SORBS2: variants seen among roughly 807,000 people sequenced by gnomAD.
The protein encoded by SORBS2 is sorbin and SH3 domain containing 2.
In SORBS2, 46 loss-of-function variants were observed where a neutral mutation model predicts 97.7. That is an observed-to-expected ratio of 0.47 (90% CI 0.37 to 0.60). The LOEUF (loss-of-function observed/expected upper bound fraction) is 0.60, where lower values mean the gene tolerates loss of function less well. Ranked by LOEUF, SORBS2 falls within the 20% of genes least tolerant of loss-of-function variation. The pLI, the probability that SORBS2 is intolerant of heterozygous loss-of-function variation, is 0.00. For synonymous variants in SORBS2, 476 were observed against 473.4 expected, an observed-to-expected ratio of 1.01 and a Z score of -0.07; for missense variants, 1,316 against 1,282.3, an observed-to-expected ratio of 1.03 and a Z score of -0.40.
intron 2 of SORBS2, 42 bp downstream of exon 2, chr4:185,775,185 T>A (rs923040757): frequency 6.6e-6 from 1 of 152,622 alleles, no homozygotes; most frequent in African/African-American, 2.4e-5. Flanking sequence ...GTTATGAACA[T>A]ACCAGAAAAC....
chr4:185,673,804 A>G (rs759345221), intron 4 of SORBS2, among the ~76,000 whole-genome samples: 2 of 152,206 alleles, frequency 1.3e-5, no homozygotes, highest in East Asian at 1.9e-4. Context: ...CTTCCCCACT[A>G]TGGAATCAAT....
At chr4:185,662,647 C>G (rs765923329) in intron 4 of SORBS2, among the ~76,000 whole-genome samples, 1 of 152,212 alleles carries the variant, frequency 6.6e-6, no homozygotes, top group South Asian at 2.1e-4. Context: ...CGTGGATGTC[C>G]TTTGACATGA....
At chr4:185,758,363 C>T (rs528463978) in intron 2 of SORBS2, among the ~76,000 whole-genome samples, 70 of 152,186 alleles carry the variant, frequency 4.6e-4, no homozygotes, top group Non-Finnish European at 8.4e-4. Flanking sequence ...CTTCTCTTGG[C>T]TGTCAGCACA....
intron 1 of SORBS2, among the ~76,000 whole-genome samples, chr4:185,935,090 G>A (rs2099268332): frequency 6.6e-6 from 1 of 152,156 alleles, no homozygotes; most frequent in Non-Finnish European, 1.5e-5. Flanking sequence ...CAAGGCTAAT[G>A]TAGCTCTTTC....
intron 1 of SORBS2, among the ~76,000 whole-genome samples, chr4:185,947,522 A>G (rs536571201): frequency 2.1e-4 from 32 of 152,154 alleles, no homozygotes; most frequent in Non-Finnish European, 4.3e-4. Flanking sequence ...CCAACCTTCC[A>G]ATTGCCAGCT....
intron 1 of SORBS2, among the ~76,000 whole-genome samples, chr4:185,873,055 G>A (rs1273698848): frequency 6.6e-6 from 1 of 152,126 alleles, no homozygotes; most frequent in African/African-American, 2.4e-5. Context: ...ATTAAATATT[G>A]GGTAAAAGAA....
At chr4:185,815,583 C>T (rs2099192789) in intron 1 of SORBS2, among the ~76,000 whole-genome samples, 1 of 151,920 alleles carries the variant, frequency 6.6e-6, no homozygotes, top group Non-Finnish European at 1.5e-5. Flanking sequence ...GAAGGATTTT[C>T]AAACAAATAT....
intron 1 of SORBS2, among the ~76,000 whole-genome samples, chr4:185,852,917 C>T (rs2149689110): frequency 6.6e-6 from 1 of 152,278 alleles, no homozygotes; most frequent in African/African-American, 2.4e-5. Context: ...TGTTTGACCC[C>T]TTGGTCCTGG....
At chr4:185,897,795 G>C (rs938734938) in intron 1 of SORBS2, among the ~76,000 whole-genome samples, 1 of 152,162 alleles carries the variant, frequency 6.6e-6, no homozygotes, top group African/African-American at 2.4e-5. Flanking sequence ...CCAGCACTTT[G>C]GGAGGCCGAG....
intron 1 of SORBS2, among the ~76,000 whole-genome samples, chr4:185,901,137 T>A (rs2099247522): frequency 6.6e-6 from 1 of 152,248 alleles, no homozygotes; most frequent in African/African-American, 2.4e-5. Context: ...TCGGAATACA[T>A]ATACTGTGTA....
exon 13 of SORBS2, chr4:185,593,918 A>C: frequency 6.2e-7 from 1 of 1,606,892 alleles, no homozygotes; most frequent in Non-Finnish European, 8.5e-7. Flanking sequence ...TTTCATGAGT[A>C]AACACAGGAC....
At chr4:185,800,583 T>C (rs2099125524) in intron 1 of SORBS2, among the ~76,000 whole-genome samples, 1 of 152,126 alleles carries the variant, frequency 6.6e-6, no homozygotes, top group African/African-American at 2.4e-5. Context: ...GTAGCCCTGC[T>C]TCCCTTGCAG....
At chr4:185,590,297 T>C (rs962280517) in intron 13 of SORBS2, among the ~76,000 whole-genome samples, 21 of 152,188 alleles carry the variant, frequency 1.4e-4, no homozygotes, top group African/African-American at 5.1e-4. Flanking sequence ...ATAGACAAAA[T>C]GTGTCAGACA....
chr4:185,656,106 T>C (rs2097396584), intron 1 of SORBS2, among the ~76,000 whole-genome samples: 3 of 152,168 alleles, frequency 2.0e-5, no homozygotes, highest in African/African-American at 7.2e-5. Flanking sequence ...ACCAGAAACA[T>C]GTAATCATCA....
Position 185,776,859 on chromosome 4 carries a change from C to T in SORBS2, c.-337-1493G>A, listed in dbSNP as rs530706423. ...AGGTTGCGGTGAGCTGAGATCGCAC[C>T]AGTGCACTCCAGCCTGGGCAACAGA... is the stretch of plus-strand genomic sequence containing the variant. On this transcript the variant is annotated intron_variant, in intron 1 of 20. Coordinates refer to the SORBS2 transcript ENST00000284776. Among the ~76,000 whole-genome samples, 17 of 144,428 alleles carry T rather than the reference C, an allele frequency of 1.2e-4. No homozygotes were observed. In the South Asian group the frequency reaches 3.7e-3, roughly 32 times the overall value. 94.8% of individuals were successfully genotyped at this position (144,428 alleles called of 152,430 possible).
At chr4:185,854,813 GA>G (rs1579201023) in intron 1 of SORBS2, among the ~76,000 whole-genome samples, 2 of 151,778 alleles carry the variant, frequency 1.3e-5, no homozygotes, top group Non-Finnish European at 2.9e-5. Context: ...GAGAGAGAGA[GA>G]GAGCCTTAGT....
chr4:185,797,227 C>A (rs1414679673), intron 1 of SORBS2, among the ~76,000 whole-genome samples: 1 of 152,230 alleles, frequency 6.6e-6, no homozygotes, highest in Non-Finnish European at 1.5e-5. Context: ...AGGAGAGCGA[C>A]TGACACAGAG....
chr4:185,887,316 G>A (rs2099240174), intron 1 of SORBS2, among the ~76,000 whole-genome samples: 1 of 152,206 alleles, frequency 6.6e-6, no homozygotes, highest in Non-Finnish European at 1.5e-5. Context: ...TTGAGCAAGC[G>A]AAATTACAGT....
chr4:185,684,803 C>G lies in SORBS2; in HGVS notation c.-197-5981G>C. 6.4e-7 allele frequency: 1 copy of G among 1,551,948 alleles called. No homozygotes were observed. The highest frequency in any genetic ancestry group is 8.7e-7 in the Non-Finnish European group (1 of 1,147,036). On this transcript the variant is annotated intron_variant, in intron 2 of 20. Coordinates refer to the SORBS2 transcript ENST00000284776. This position sits in a 1 kb window ranked among gnomAD's most constrained non-coding sequence, Gnocchi z 4.2. ...TTTGCACTCTCTTCACAGATGTTAG[C>G]GTAACAGACATGGCGGCACGTTTGC...
Sources: gnomAD v4.1 joint callset for allele counts (sites outside exome capture counted in the v4.1 genomes callset) on GRCh38, gnomAD v4.1.1 for gene constraint, Gnocchi (gnomAD v3.1) non-coding constraint, MANE v1.5 for transcripts, NCBI Gene and HGNC (gene_info 2026-07-23, HGNC 2026-07-21) for gene names.